Variants in ACP3 observed in about 807,000 individuals in gnomAD.
The protein encoded by ACP3 is prostatic acid phosphatase.
In ACP3, 38 loss-of-function variants were observed where a neutral mutation model predicts 45.6. That is an observed-to-expected ratio of 0.83 (90% CI 0.64 to 1.09). ACP3 has a LOEUF of 1.09. Ranked by LOEUF, ACP3 falls within the 50% of genes least tolerant of loss-of-function variation. The pLI, the probability that ACP3 is intolerant of heterozygous loss-of-function variation, is 0.00. For synonymous variants in ACP3, 162 were observed against 164.7 expected (o/e 0.98, Z 0.13); for missense variants, 466 against 463.2 (o/e 1.01, Z -0.05).
chr3:132,327,474 A>G (rs550474137), intron 1 of ACP3, among the ~76,000 whole-genome samples: 28 of 150,612 alleles, frequency 1.9e-4, no homozygotes, highest in African/African-American at 6.9e-4. Flanking sequence ...AGATGGTGCC[A>G]TTGCACTCCA....
At chr3:132,356,519 C>T (rs371160774) in intron 9 of ACP3, among the ~76,000 whole-genome samples, 167 bp from the exon 10 acceptor site, 9 of 152,138 alleles carry the variant, frequency 5.9e-5, no homozygotes, top group African/African-American at 1.2e-4. Context: ...AAATCTCTCC[C>T]GCCTGCCCCA....
chr3:132,350,569 CA>C (rs1185321058), intron 8 of ACP3, among the ~76,000 whole-genome samples: 2 of 152,136 alleles, frequency 1.3e-5, no homozygotes, highest in African/African-American at 4.8e-5. Context: ...TTGTATTAGC[CA>C]CATTTCAGGT....
chr3:132,317,554 AGG>A lies in ACP3; in HGVS notation c.99_100del (p.Glu34ValfsTer17). 1 of 1,612,074 alleles carries A rather than the reference AGG, an allele frequency of 6.2e-7. No individual in the cohort carries two copies. Among genetic ancestry groups the A allele is most frequent in the East Asian group, 2.2e-5 (1 of 44,826 alleles). ...TGGCTAGACCGAAGTGTACTAGCCA[AGG>A]AGTTGAAGTTTGTGACTTTGGTAAG... is the stretch of plus-strand genomic sequence containing the variant. On this transcript the variant is annotated frameshift_variant, in exon 1 of 10. Transcript: ENST00000336375. LOFTEE classifies it high-confidence loss of function.
At chr3:132,329,672 T>A (rs1453128235) in intron 2 of ACP3, among the ~76,000 whole-genome samples, 1 of 152,228 alleles carries the variant, frequency 6.6e-6, no homozygotes, top group Non-Finnish European at 1.5e-5. Context: ...ATCTGAGTTC[T>A]TCTTCTGAAG....
chr3:132,342,614 G>C lies in ACP3; in HGVS notation c.618G>C (p.Trp206Cys). The C allele has an allele frequency of 6.2e-7, 1 of 1,609,272 alleles. No homozygotes were observed. ...ATGGCCAGGACCTTTTTGGAATTTG[G>C]AGTAAAGTCTACGACCCTTTATATT... ...GLHGQDLFGI[W>C]SKVYDPLYCE... The change falls in exon 6 of 10, where the codon TGG becomes TGC. Residue 206 changes from tryptophan (W) to cysteine (C), a missense_variant. By Grantham distance (215) the Trp-to-Cys change is radical (BLOSUM62 -2). Coordinates refer to ENST00000336375, the MANE Select transcript of ACP3 (RefSeq NM_001099.5).
intron 3 of ACP3, 151 bp from the exon 4 acceptor site, chr3:132,332,041 C>A (rs1937407545): frequency 1.0e-6 from 1 of 954,992 alleles, no homozygotes. Context: ...ATTGCTCATT[C>A]CTTAACAAGT....
intron 8 of ACP3, among the ~76,000 whole-genome samples, chr3:132,350,208 A>G (rs1371308410): frequency 6.6e-6 from 1 of 152,208 alleles, no homozygotes; most frequent in Non-Finnish European, 1.5e-5. Context: ...TAAACACTAT[A>G]CAAAATGGGA....
chr3:132,334,662 T>G (rs994822451), intron 4 of ACP3, among the ~76,000 whole-genome samples: 2 of 151,954 alleles, frequency 1.3e-5, no homozygotes. Context: ...CGACCATGAG[T>G]GAATATGTAG....
downstream of ACP3, among the ~76,000 whole-genome samples, chr3:132,359,240 A>C (rs140318529): frequency 2.3e-3 from 352 of 152,292 alleles, 1 homozygote; most frequent in East Asian, 0.033. Flanking sequence ...AGGCCAGGCG[A>C]GGTGGCTCAG....
chr3:132,317,674 C>T, intron 1 of ACP3, 98 bp downstream of exon 1: 1 of 1,353,462 alleles, frequency 7.4e-7, no homozygotes, highest in Non-Finnish European at 9.8e-7. Flanking sequence ...TGGATTGTTT[C>T]CCAGAGACCA....
chr3:132,335,532 C>A (rs1388151322), intron 4 of ACP3, among the ~76,000 whole-genome samples: 1 of 152,140 alleles, frequency 6.6e-6, no homozygotes, highest in Non-Finnish European at 1.5e-5. Flanking sequence ...CAGACACGAT[C>A]CTGGCTCTCG....
chr3:132,331,726 A>G lies in ACP3; in HGVS notation c.296A>G (p.His99Arg). ...AAATTCTTGAATGAGTCCTATAAACATGAACAGGCAAGTTGGGGAGCCAAG... is the reference window on the plus strand; with the variant it reads ...AAATTCTTGAATGAGTCCTATAAACGTGAACAGGCAAGTTGGGGAGCCAAG... ...YRKFLNESYK[H>R]EQVYIRSTDV... The change falls in exon 3 of 10, where the codon CAT becomes CGT. Residue 99 changes from histidine (H) to arginine (R), a missense_variant. Physicochemically the swap from His to Arg is conservative, Grantham distance 29 (BLOSUM62 0). Coordinates refer to ENST00000336375, the MANE Select transcript of ACP3 (RefSeq NM_001099.5). 6.2e-7 allele frequency: 1 copy of G among 1,602,714 alleles called. No individual in the cohort carries two copies. The highest frequency in any genetic ancestry group is 1.7e-4 in the Middle Eastern group (1 of 6,036).
At chr3:132,347,867 A>ACACACACACACACACG in intron 7 of ACP3, among the ~76,000 whole-genome samples, 1 of 151,492 alleles carries the variant, frequency 6.6e-6, no homozygotes, top group African/African-American at 2.4e-5. Flanking sequence ...ACACACACAC[A>ACACACACACACACACG]CACACCAAAA....
intron 3 of ACP3, 113 bp from the exon 4 acceptor site, chr3:132,332,079 C>T (rs75609951): frequency 0.017 from 19,963 of 1,169,188 alleles, 225 homozygotes; most frequent in Non-Finnish European, 0.022. Flanking sequence ...AGCACAATGT[C>T]TGTAATATTT....
chr3:132,323,129 T>C (rs916585245), intron 1 of ACP3, among the ~76,000 whole-genome samples: 86 of 149,118 alleles, frequency 5.8e-4, no homozygotes, highest in African/African-American at 2.0e-3. Flanking sequence ...CAACAGAAAA[T>C]GGGCTAAGAC....
At position 132,358,297 on chromosome 3, in the gene ACP3, C is replaced by T. The variant is rs1379839852; in HGVS notation, c.*1419C>T. 1.8e-6 allele frequency: 2 copies of T among 1,115,796 alleles called. No homozygotes were observed. Among genetic ancestry groups the T allele is most frequent in the Non-Finnish European group, 2.2e-6 (2 of 898,770 alleles). 69.1% of individuals were successfully genotyped at this position (1,115,796 alleles called of 1,614,324 possible). A position where few individuals can be genotyped will look rare whatever the true frequency, so the allele number is the denominator to read the frequency against. On this transcript the variant is annotated 3_prime_UTR_variant, in exon 10 of 10. Coordinates refer to ENST00000336375, the MANE Select transcript of ACP3 (RefSeq NM_001099.5). ...TAGAAATGTAATTATGTTCTAAGTG[C>T]CTCCAAGTTCAAAACTTATTGGAAT...
At chr3:132,322,243 C>T (rs1297992539) in intron 1 of ACP3, among the ~76,000 whole-genome samples, 1 of 152,132 alleles carries the variant, frequency 6.6e-6, no homozygotes, top group East Asian at 1.9e-4. Flanking sequence ...CCTCTGTGTT[C>T]GTCCCAGTCT....
At chr3:132,356,551 A>T in intron 9 of ACP3, 135 bp from the exon 10 acceptor site, 1 of 1,528,830 alleles carries the variant, frequency 6.5e-7, no homozygotes, top group Non-Finnish European at 8.8e-7. Context: ...TACACACCTA[A>T]ATTGGCTAAA....
chr3:132,352,773 CCTT>C lies in ACP3; in HGVS notation c.920_922del (p.Leu307del), dbSNP rs768203497. ...TGGCGCTAGATGTTTACAACGGACTCCTTCCTCCCTATGCTTCTTGCCACTTGA... is the reference window on the plus strand; with the variant it reads ...TGGCGCTAGATGTTTACAACGGACTCCCTCCCTATGCTTCTTGCCACTTGA... On this transcript the variant is annotated inframe_deletion, in exon 9 of 10. Coordinates refer to ENST00000336375, the MANE Select transcript of ACP3 (RefSeq NM_001099.5). The C allele has an allele frequency of 2.5e-6, 4 of 1,613,942 alleles. No individual in the cohort carries two copies. Among genetic ancestry groups the C allele is most frequent in the East Asian group, 4.5e-5 (2 of 44,868 alleles).
Sources: allele counts gnomAD v4.1 joint callset (sites outside exome capture counted in the v4.1 genomes callset), GRCh38; gene constraint gnomAD v4.1.1; transcripts MANE v1.5; gene names NCBI Gene and HGNC (gene_info 2026-07-23, HGNC 2026-07-21).